Variants in ADCY3 observed in about 807,000 individuals in gnomAD.
The protein encoded by ADCY3 is adenylate cyclase type 3.
Under a neutral mutation model 119.4 loss-of-function variants are expected in ADCY3, and 70 were observed. The ratio of observed to expected loss-of-function variants is 0.59; its 90% CI spans 0.48 to 0.72. The LOEUF (loss-of-function observed/expected upper bound fraction) is 0.72. Ranked by LOEUF, ADCY3 falls within the 30% of genes least tolerant of loss-of-function variation. The pLI is 0.00. For synonymous variants in ADCY3, 672 were observed against 621.4 expected, an observed-to-expected ratio of 1.08 and a Z score of -1.21; for missense variants, 1,238 against 1,541.6, an observed-to-expected ratio of 0.80 and a Z score of 3.30.
At chr2:24,847,168 T>A (rs778253509) in intron 3 of ADCY3, among the ~76,000 whole-genome samples, 14 of 152,188 alleles carry the variant, frequency 9.2e-5, no homozygotes, top group Non-Finnish European at 1.8e-4. Context: ...GGGGCCAGAC[T>A]TTCATGTGCT....
rs1667694583 is a variant in ADCY3, at chr2:24,821,426, T to C, written c.3127+91A>G. The C allele has an allele frequency of 3.2e-6, 5 of 1,542,594 alleles. No homozygotes were observed. The East Asian group carries it at 6.8e-5, about 21-fold the overall frequency. ...ACCTCCCCACCCGAATTGCCTCAGT[T>C]GTCCTGAGCCTCATGTCTCTCCTGG... On this transcript the variant is annotated intron_variant, in intron 20 of 21. Transcript: ENST00000679454.
Position 24,836,999 on chromosome 2 carries a change from G to A in ADCY3, c.1580C>T (p.Ala527Val), listed in dbSNP as rs1304421058. Residue 527 changes from alanine to valine, a missense_variant, in exon 9 of 22, where the codon GCC becomes GTC. Ala to Val is a moderately conservative substitution (Grantham distance 64). Coordinates refer to ENST00000679454, the MANE Select transcript of ADCY3 (RefSeq NM_004036.5). ...GTTGGGCTCCTTGGTCTCAATGAGG[G>A]CAGGGGAGCTGGACTTTGAGGAAGC... ...APASSKSSSP[A>V]LIETKEPNGS... The A allele has an allele frequency of 1.2e-6, 2 of 1,614,016 alleles. No homozygotes were observed. The highest frequency in any genetic ancestry group is 2.2e-5 in the South Asian group (2 of 91,080).
chr2:24,874,683 C>A (rs1383926858), intron 2 of ADCY3, among the ~76,000 whole-genome samples: 3 of 152,160 alleles, frequency 2.0e-5, no homozygotes, highest in Admixed American at 1.3e-4. Context: ...CTGGAGGGAG[C>A]TTTGAGGGGA....
chr2:24,824,212 G>A (rs182207686), intron 17 of ADCY3, among the ~76,000 whole-genome samples, 166 bp downstream of exon 17: 47 of 152,354 alleles, frequency 3.1e-4, no homozygotes, highest in African/African-American at 1.1e-3. Flanking sequence ...TAAGAGGCCG[G>A]AGAAATTCCT....
intron 2 of ADCY3, among the ~76,000 whole-genome samples, chr2:24,917,968 G>A (rs1664662674): frequency 6.6e-6 from 1 of 152,164 alleles, no homozygotes; most frequent in Non-Finnish European, 1.5e-5. Flanking sequence ...CTTCCCAAGG[G>A]AGGTCCTCCT....
chr2:24,836,966 G>T lies in ADCY3; in HGVS notation c.1613C>A (p.Ala538Asp). 6.2e-7 allele frequency: 1 copy of T among 1,614,012 alleles called. No homozygotes were observed. Residue 538 changes from alanine to aspartate, a missense_variant, in exon 9 of 22, where the codon GCC (alanine) becomes GAC (aspartate). By Grantham distance (126) the Ala-to-Asp change is moderately radical (BLOSUM62 -2). Coordinates refer to ENST00000679454, the MANE Select transcript of ADCY3 (RefSeq NM_004036.5). ...CTCCGACGTGGACCCACTGCTGTGG[G>T]CACTCCCGTTGGGCTCCTTGGTCTC... ...LIETKEPNGS[A>D]HSSGSTSEKP...
chr2:24,825,318 A>G (rs1668422254), intron 16 of ADCY3, among the ~76,000 whole-genome samples: 1 of 102,284 alleles, frequency 9.8e-6, no homozygotes, highest in Non-Finnish European at 1.9e-5. Context: ...TGTCCGGTTG[A>G]GTGCGGTGGT....
At position 24,824,610 on chromosome 2, in the gene ADCY3, C is replaced by T. The variant is rs569330075; in HGVS notation, c.2578-74G>A. The T allele has an allele frequency of 1.2e-4, 183 of 1,546,652 alleles. No homozygotes were observed. In the South Asian group the frequency reaches 2.1e-3, roughly 18 times the overall value. ...TAGAAGGATGAAAAACAGGAATGGC[C>T]AGGCGTGGCGGTTCATGCCTGTAAT... On this transcript the variant is annotated intron_variant, in intron 16 of 21. Transcript: ENST00000679454.
At chr2:24,911,665 C>CACACAT (rs1214353739) in intron 2 of ADCY3, among the ~76,000 whole-genome samples, 11 of 126,188 alleles carry the variant, frequency 8.7e-5, no homozygotes, top group South Asian at 7.3e-4. Flanking sequence ...AAAACACACA[C>CACACAT]ACACACACCA....
Position 24,829,578 on chromosome 2 carries a change from G to A in ADCY3, c.2172+1131C>T, listed in dbSNP as rs573734100. ...TGGGACTACAGGCGCCTGCCACCAC[G>A]CCCGGCTAATTTTTTTGTATTTTTA... On this transcript the variant is annotated intron_variant, in intron 13 of 21. Transcript: ENST00000679454. Among the ~76,000 whole-genome samples the A allele has an allele frequency of 5.1e-4, 77 of 151,468 alleles. 1 individual carries two copies. In the South Asian group the frequency reaches 9.0e-3, roughly 18 times the overall value.
Position 24,842,494 on chromosome 2 carries a change from C to A in ADCY3, c.826-110G>T. 7.2e-7 allele frequency: 1 copy of A among 1,391,478 alleles called. No homozygotes were observed. Among genetic ancestry groups the A allele is most frequent in the South Asian group, 1.3e-5 (1 of 74,582 alleles). The allele number at this position is 1,391,478 out of a possible 1,614,324, so 86.2% of individuals were successfully genotyped here. A position where few individuals can be genotyped will look rare whatever the true frequency, so the allele number is the denominator to read the frequency against. ...CCTGGCAAGAAACGTGAGCAGGGAA[C>A]CATGCTGCCCTCCAGAGAGACCTCA... On this transcript the variant is annotated intron_variant, in intron 3 of 21. Transcript: ENST00000679454. The surrounding 1 kb of genome is among the most constrained non-coding windows in gnomAD (Gnocchi z 4.9).
chr2:24,895,187 T>C (rs1479194282), intron 2 of ADCY3, among the ~76,000 whole-genome samples: 1 of 151,992 alleles, frequency 6.6e-6, no homozygotes, highest in Non-Finnish European at 1.5e-5. Context: ...TCCTCATGGG[T>C]TCAAGCGATT....
At chr2:24,917,563 G>C (rs931079298) in intron 2 of ADCY3, among the ~76,000 whole-genome samples, 5 of 152,166 alleles carry the variant, frequency 3.3e-5, no homozygotes, top group African/African-American at 9.7e-5. Flanking sequence ...TACTATAATA[G>C]TTAAGCTGAG....
chr2:24,909,779 G>C (rs1663350311), intron 2 of ADCY3, among the ~76,000 whole-genome samples: 1 of 152,090 alleles, frequency 6.6e-6, no homozygotes, highest in Non-Finnish European at 1.5e-5. Flanking sequence ...GTGCCTCCTG[G>C]TTTCTCAGAC....
intron 2 of ADCY3, among the ~76,000 whole-genome samples, chr2:24,891,043 A>G (rs1382659370): frequency 2.0e-5 from 3 of 151,740 alleles, no homozygotes; most frequent in South Asian, 4.2e-4. Context: ...CAATTTTTTC[A>G]TATTTTAGTA....
chr2:24,868,507 C>T (rs535476088), intron 3 of ADCY3, among the ~76,000 whole-genome samples: 3 of 151,892 alleles, frequency 2.0e-5, no homozygotes, highest in Admixed American at 6.6e-5. Flanking sequence ...AAAAATTAGC[C>T]GGGCGTGTTC....
chr2:24,884,678 C>T (rs957166753), intron 2 of ADCY3, among the ~76,000 whole-genome samples: 11 of 151,858 alleles, frequency 7.2e-5, no homozygotes, highest in African/African-American at 1.9e-4. Context: ...GGTTTTGCCA[C>T]GTTGGCCTGG....
chr2:24,900,598 G>C (rs1312351690), intron 2 of ADCY3, among the ~76,000 whole-genome samples: 1 of 152,080 alleles, frequency 6.6e-6, no homozygotes, highest in Non-Finnish European at 1.5e-5. Context: ...TCTACACCTA[G>C]AGAAAGTGCC....
chr2:24,824,996 T>C (rs2148396976), intron 16 of ADCY3, among the ~76,000 whole-genome samples: 1 of 152,276 alleles, frequency 6.6e-6, no homozygotes, highest in South Asian at 2.1e-4. Context: ...AGATTGCACC[T>C]CATCAAAAGG....
Sources: allele counts gnomAD v4.1 joint callset (sites outside exome capture counted in the v4.1 genomes callset), GRCh38; gene constraint gnomAD v4.1.1; non-coding constraint Gnocchi (gnomAD v3.1); transcripts MANE v1.5; gene names NCBI Gene and HGNC (gene_info 2026-07-23, HGNC 2026-07-21).